The following FAM168A variants were observed in gnomAD, a reference collection of about 807,000 sequenced individuals.
FAM168A encodes protein FAM168A.
In FAM168A, 3 loss-of-function variants were observed where a neutral mutation model predicts 28.5. The observed-to-expected ratio is 0.11, with a 90% CI of 0.05 to 0.27. The LOEUF (loss-of-function observed/expected upper bound fraction) is 0.27. Among genes scored for constraint, FAM168A ranks in the 10% least tolerant of loss-of-function variants. The pLI is 1.00. For missense variants in FAM168A, 222 were observed against 311.5 expected (o/e 0.71, Z 2.16); for synonymous variants, 122 against 124.2 (o/e 0.98, Z 0.12).
intron 2 of FAM168A, among the ~76,000 whole-genome samples, chr11:73,455,799 A>C (rs961902980): frequency 1.3e-5 from 2 of 152,232 alleles, no homozygotes; most frequent in African/African-American, 4.8e-5. Flanking sequence ...CCTAATCTAT[A>C]AAATAGGCAG....
At chr11:73,577,838 AT>A (rs1944194675) in intron 1 of FAM168A, among the ~76,000 whole-genome samples, 1 of 152,224 alleles carries the variant, frequency 6.6e-6, no homozygotes, top group Admixed American at 6.5e-5. Context: ...TCTGTTCATA[AT>A]TAATAGCATG....
At chr11:73,501,743 A>T (rs2134624775) in intron 1 of FAM168A, among the ~76,000 whole-genome samples, 1 of 152,316 alleles carries the variant, frequency 6.6e-6, no homozygotes, top group Admixed American at 6.5e-5. Context: ...AGCTAGAAAG[A>T]TCTCAAATCG....
rs79169779 is a variant in FAM168A, at chr11:73,461,581, G to A, written c.70+6824C>T. On this transcript the variant is annotated intron_variant, in intron 2 of 7. Transcript: ENST00000356467. ...GAATATAGATAAATAGGATGAGCAG[G>A]AGATGGGCTGGAGATACCTGAATGG... Among the ~76,000 whole-genome samples, 893 of 152,308 alleles carry A rather than the reference G, an allele frequency of 5.9e-3. 8 individuals are homozygous for A. The highest frequency in any genetic ancestry group is 0.027 in the Middle Eastern group (8 of 294).
At chr11:73,407,305 G>C (rs1022719041) in intron 7 of FAM168A, among the ~76,000 whole-genome samples, 3 of 152,164 alleles carry the variant, frequency 2.0e-5, no homozygotes, top group South Asian at 2.1e-4. Context: ...TATTATTTCT[G>C]TTATTATTTA....
rs1866396500 is a variant in FAM168A at position 73,401,079 on chromosome 11, G to GC, written c.*5683_*5684insG. On this transcript the variant is annotated 3_prime_UTR_variant, in exon 8 of 8. Transcript: ENST00000356467. ...ACTACTTGGAAGACACTGGTCAAAG[G>GC]TTTATTATTATTATTATTATTATTA... The GC allele has an allele frequency of 8.2e-6, 1 of 121,800 alleles. No homozygotes were observed. Among genetic ancestry groups the GC allele is most frequent in the African/African-American group, 3.6e-5 (1 of 27,422 alleles). 7.5% of individuals were successfully genotyped at this position (121,800 alleles called of 1,614,324 possible). A position where few individuals can be genotyped will look rare whatever the true frequency, so the allele number is the denominator to read the frequency against.
intron 1 of FAM168A, among the ~76,000 whole-genome samples, chr11:73,545,760 G>C (rs1943742521): frequency 6.8e-6 from 1 of 146,286 alleles, no homozygotes; most frequent in Non-Finnish European, 1.5e-5. Context: ...TGCGATCACG[G>C]CTGGACTCAA....
At chr11:73,571,579 G>A (rs1218906157) in intron 1 of FAM168A, among the ~76,000 whole-genome samples, 4 of 151,866 alleles carry the variant, frequency 2.6e-5, no homozygotes, top group Non-Finnish European at 4.4e-5. Context: ...GTGCAGTGGT[G>A]TGATCTCGGC....
chr11:73,514,517 C>G lies in FAM168A; in HGVS notation c.-18-46025G>C, dbSNP rs552127802. Among the ~76,000 whole-genome samples the G allele has an allele frequency of 7.2e-5, 11 of 152,254 alleles. 1 individual carries two copies. In the South Asian group the frequency reaches 2.3e-3, roughly 32 times the overall value. On this transcript the variant is annotated intron_variant, in intron 1 of 7. Coordinates refer to ENST00000356467, the MANE Select transcript of FAM168A (RefSeq NM_015159.3). ...AAACAATCCCAGACTTCTGTCTGTA[C>G]AACACTTTATTTGTATGTCCAAAAT...
At chr11:73,442,270 C>T (rs940477539) in intron 2 of FAM168A, among the ~76,000 whole-genome samples, 1 of 151,930 alleles carries the variant, frequency 6.6e-6, no homozygotes, top group South Asian at 2.1e-4. Context: ...AGACTACAGG[C>T]GCCCGCCACC....
intron 1 of FAM168A, among the ~76,000 whole-genome samples, chr11:73,521,695 A>G (rs935663021): frequency 3.3e-5 from 5 of 152,218 alleles, no homozygotes; most frequent in African/African-American, 1.2e-4. Context: ...TTTAATGGTA[A>G]TAACAACGGG....
chr11:73,501,269 GTATC>G (rs780357377), intron 1 of FAM168A, among the ~76,000 whole-genome samples: 3 of 152,138 alleles, frequency 2.0e-5, no homozygotes, highest in Non-Finnish European at 4.4e-5. Context: ...CCCACTGTCA[GTATC>G]AGACAGATCA....
Position 73,519,028 on chromosome 11 carries a change from A to G in FAM168A, c.-18-50536T>C, listed in dbSNP as rs1378713263. Among the ~76,000 whole-genome samples the G allele has an allele frequency of 2.6e-5, 4 of 152,328 alleles. No individual in the cohort carries two copies. The East Asian group carries it at 5.8e-4, about 22-fold the overall frequency. On this transcript the variant is annotated intron_variant, in intron 1 of 7. Transcript: ENST00000356467. ...GATGCTGATGCCATGCTTCCCACAC[A>G]GCCTACAGGACCATGAGCCAAAGAA... is the stretch of plus-strand genomic sequence containing the variant.
intron 2 of FAM168A, among the ~76,000 whole-genome samples, chr11:73,458,928 C>T (rs1188013340): frequency 6.6e-6 from 1 of 152,172 alleles, no homozygotes; most frequent in Non-Finnish European, 1.5e-5. Flanking sequence ...AAATTTCTAC[C>T]TCACAGTGCT....
chr11:73,459,284 A>C (rs1193141803), intron 2 of FAM168A, among the ~76,000 whole-genome samples: 4 of 151,814 alleles, frequency 2.6e-5, no homozygotes, highest in Non-Finnish European at 5.9e-5. Flanking sequence ...ATGAGGTCTC[A>C]CCCATCCTGG....
At chr11:73,419,823 C>A in intron 4 of FAM168A, 51 bp downstream of exon 4, 1 of 1,594,080 alleles carries the variant, frequency 6.3e-7, no homozygotes, top group Non-Finnish European at 8.6e-7. Context: ...TCCTAAGAAA[C>A]AAATCAGTCC....
chr11:73,581,705 T>C (rs867640254), intron 1 of FAM168A, among the ~76,000 whole-genome samples: 1 of 152,100 alleles, frequency 6.6e-6, no homozygotes, highest in Admixed American at 6.5e-5. Context: ...ATCTATAACA[T>C]TGAACTGTAA....
At chr11:73,498,463 C>A (rs1265828989) in intron 1 of FAM168A, among the ~76,000 whole-genome samples, 1 of 152,206 alleles carries the variant, frequency 6.6e-6, no homozygotes, top group East Asian at 1.9e-4. Context: ...CAGATTCTTA[C>A]AGCCTCTTAG....
At chr11:73,583,875 C>T (rs886237466) in intron 1 of FAM168A, among the ~76,000 whole-genome samples, 1 of 152,202 alleles carries the variant, frequency 6.6e-6, no homozygotes, top group African/African-American at 2.4e-5. Flanking sequence ...TATTGGGAAA[C>T]CTGGACCTCA....
At chr11:73,584,670 G>C (rs1169042315) in intron 1 of FAM168A, among the ~76,000 whole-genome samples, 4 of 151,428 alleles carry the variant, frequency 2.6e-5, no homozygotes, top group African/African-American at 9.7e-5. Flanking sequence ...GTAGAGACAG[G>C]GTTTCACCGT....
Sources: allele counts gnomAD v4.1 joint callset (sites outside exome capture counted in the v4.1 genomes callset), GRCh38; gene constraint gnomAD v4.1.1; transcripts MANE v1.5; gene names NCBI Gene and HGNC (gene_info 2026-07-23, HGNC 2026-07-21).